Variants in PLA2G2C observed in about 807,000 individuals in gnomAD.
PLA2G2C encodes the protein phospholipase A2 group IIC.
In PLA2G2C, 15 loss-of-function variants were observed where a neutral mutation model predicts 14.3. That is an observed-to-expected ratio of 1.05 (90% CI 0.70 to 1.62). PLA2G2C has a LOEUF of 1.62. PLA2G2C is among the 40% of genes most tolerant of loss of function. PLA2G2C has a pLI of 0.00. For synonymous variants in PLA2G2C, 79 were observed against 67.7 expected, an observed-to-expected ratio of 1.17 and a Z score of -0.82; for missense variants, 162 against 173.2, an observed-to-expected ratio of 0.94 and a Z score of 0.36.
intron 1 of PLA2G2C, among the ~76,000 whole-genome samples, chr1:20,185,324 T>C (rs1003214228): frequency 1.3e-5 from 2 of 152,028 alleles, no homozygotes; most frequent in Non-Finnish European, 2.9e-5. Context: ...TCAGGTTTCA[T>C]CAGATGGAAG....
chr1:20,176,580 GA>G (rs2018187919), intron 2 of PLA2G2C, among the ~76,000 whole-genome samples: 1 of 152,200 alleles, frequency 6.6e-6, no homozygotes. Flanking sequence ...GCAGTCCCTG[GA>G]GCCGCACTGA....
At chr1:20,178,232 G>A (rs1030830944) in intron 1 of PLA2G2C, among the ~76,000 whole-genome samples, 2 of 152,212 alleles carry the variant, frequency 1.3e-5, no homozygotes, top group Non-Finnish European at 2.9e-5. Flanking sequence ...CTGCCATGGA[G>A]CTGCCAGGGA....
chr1:20,171,791 T>G (rs1398044798), intron 4 of PLA2G2C, among the ~76,000 whole-genome samples: 1 of 134,948 alleles, frequency 7.4e-6, no homozygotes, highest in East Asian at 2.3e-4. Flanking sequence ...AGACGGAGTC[T>G]CGCTCTGTGG....
chr1:20,172,210 G>A (rs1163608801), intron 4 of PLA2G2C, among the ~76,000 whole-genome samples: 1 of 152,128 alleles, frequency 6.6e-6, no homozygotes, highest in Non-Finnish European at 1.5e-5. Flanking sequence ...GGATTGCCCT[G>A]CACATACCCA....
chr1:20,170,266 C>T (rs2018048444), intron 4 of PLA2G2C, among the ~76,000 whole-genome samples: 1 of 152,246 alleles, frequency 6.6e-6, no homozygotes, highest in South Asian at 2.1e-4. Context: ...CGGTATGTTC[C>T]AGAGCACTGA....
Position 20,172,808 on chromosome 1 carries a change from T to C in PLA2G2C, c.269A>G (p.Asn90Ser), listed in dbSNP as rs548178563. ...AGGCTACTCACAAACCACTGCGCCA[T>C]TGACGATGTGGAACTGGTAGCTGTT... is the stretch of plus-strand genomic sequence containing the variant. The part of the protein sequence containing the change: ...VLNSYQFHIV[N>S]GAVVCGCTLG... Residue 90 changes from asparagine to serine, a missense_variant, in exon 4 of 5, where the codon AAT becomes AGT. Physicochemically the swap from Asn to Ser is conservative, Grantham distance 46 (BLOSUM62 1). Coordinates refer to ENST00000679259, the MANE Select transcript of PLA2G2C (RefSeq NM_001367969.2). 9.9e-6 allele frequency: 16 copies of C among 1,613,636 alleles called. No individual in the cohort carries two copies. The highest frequency in any genetic ancestry group is 5.5e-5 in the South Asian group (5 of 91,052).
chr1:20,173,729 A>G (rs2018130977), intron 3 of PLA2G2C, among the ~76,000 whole-genome samples: 1 of 152,200 alleles, frequency 6.6e-6, no homozygotes, highest in Non-Finnish European at 1.5e-5. Context: ...ACCACTACAC[A>G]AGGGACAGGA....
chr1:20,175,875 T>C (rs2018174052), intron 2 of PLA2G2C, among the ~76,000 whole-genome samples: 1 of 152,084 alleles, frequency 6.6e-6, no homozygotes, highest in African/African-American at 2.4e-5. Context: ...CGCTGTCTCA[T>C]GTCTTTTCAT....
chr1:20,172,788 A>G lies in PLA2G2C; in HGVS notation c.283+6T>C. Reference sequence around the variant, plus strand: ...AAGACATTTCCATACAGAAAAGGCTACTCACAAACCACTGCGCCATTGACG... The same window carrying G: ...AAGACATTTCCATACAGAAAAGGCTGCTCACAAACCACTGCGCCATTGACG... On this transcript the variant is annotated splice_donor_region_variant and intron_variant, in intron 4 of 4. Coordinates refer to ENST00000679259, the MANE Select transcript of PLA2G2C (RefSeq NM_001367969.2). The G allele has an allele frequency of 6.2e-7, 1 of 1,610,224 alleles. No individual in the cohort carries two copies. The highest frequency in any genetic ancestry group is 2.2e-5 in the East Asian group (1 of 44,796).
chr1:20,166,167 G>A (rs993806983), intron 4 of PLA2G2C, among the ~76,000 whole-genome samples: 1 of 152,162 alleles, frequency 6.6e-6, no homozygotes, highest in South Asian at 2.1e-4. Context: ...AAAAAGCAGC[G>A]CCCTGTGGAG....
intron 4 of PLA2G2C, 69 bp downstream of exon 4, chr1:20,172,725 C>G: frequency 7.6e-7 from 1 of 1,321,838 alleles, no homozygotes; most frequent in Non-Finnish European, 1.1e-6. Context: ...ATCTCTGGGT[C>G]AAAGAGGAGG....
Position 20,172,885 on chromosome 1 carries a change from T to C in PLA2G2C, c.192A>G (p.Ser64=). Residue 64 remains serine (S), a synonymous_variant, in exon 4 of 5, where the codon TCA becomes TCG. Coordinates refer to ENST00000679259, the MANE Select transcript of PLA2G2C (RefSeq NM_001367969.2). ...TCAGCTTCTCGTAGGGAGAGGGAGA[T>C]GAGGGGCTGTGCCTGGAAGTGGGTC... ...PVDDTDRHSP[S]SPSPYEKLKE... is the part of the protein sequence containing the mutation. 6.2e-7 allele frequency: 1 copy of C among 1,613,456 alleles called. No homozygotes were observed. The highest frequency in any genetic ancestry group is 8.5e-7 in the Non-Finnish European group (1 of 1,179,698).
In PLA2G2C at chr1:20,163,867, G is replaced by A. The variant is rs888225283; in HGVS notation, c.*124C>T. ...AATGCTGAAGGGTGAGCTGCCCTGCGGGAGACATTTTGTCCTCCCTCCCAG... is the reference window on the plus strand; with the variant it reads ...AATGCTGAAGGGTGAGCTGCCCTGCAGGAGACATTTTGTCCTCCCTCCCAG... On this transcript the variant is annotated 3_prime_UTR_variant, in exon 5 of 5. Coordinates refer to ENST00000679259, the MANE Select transcript of PLA2G2C (RefSeq NM_001367969.2). 2.1e-5 allele frequency: 23 copies of A among 1,113,056 alleles called. No homozygotes were observed. The highest frequency in any genetic ancestry group is 1.6e-4 in the East Asian group (6 of 37,552). 68.9% of individuals were successfully genotyped at this position (1,113,056 alleles called of 1,614,324 possible). A position where few individuals can be genotyped will look rare whatever the true frequency, so the allele number is the denominator to read the frequency against.
chr1:20,167,219 C>G (rs2017994085), intron 4 of PLA2G2C, among the ~76,000 whole-genome samples: 1 of 152,180 alleles, frequency 6.6e-6, no homozygotes, highest in African/African-American at 2.4e-5. Context: ...ATACTCCCAA[C>G]TTCTCCGCTG....
rs371946948 is a variant in PLA2G2C at position 20,164,075 on chromosome 1, G to A, written c.366C>T (p.Phe122=). The A allele has an allele frequency of 6.2e-7, 1 of 1,613,944 alleles. No individual in the cohort carries two copies. Among genetic ancestry groups the A allele is most frequent in the Non-Finnish European group, 8.5e-7 (1 of 1,179,856 alleles). The change falls in exon 5 of 5, where the codon TTC becomes TTT. Residue 122 remains phenylalanine, a synonymous_variant. Transcript: ENST00000679259. The stretch of plus-strand genomic sequence containing the variant: ...TCTCATAGGTGGGCAGGCTCTCTTT[G>A]AAGCAGTGCACGGATTGCTTGTCAC... The part of the protein sequence containing the change: ...CECDKQSVHC[F]KESLPTYEKN...
chr1:20,173,566 T>G (rs899905351), intron 3 of PLA2G2C, among the ~76,000 whole-genome samples: 1 of 152,178 alleles, frequency 6.6e-6, no homozygotes, highest in Non-Finnish European at 1.5e-5. Flanking sequence ...GAGCACCTAC[T>G]GTGAGTCAGG....
intron 4 of PLA2G2C, among the ~76,000 whole-genome samples, chr1:20,171,929 T>A (rs571546934): frequency 6.6e-6 from 1 of 150,804 alleles, no homozygotes; most frequent in African/African-American, 2.4e-5. Context: ...GCCCGGCTAA[T>A]TTTTTTTGTA....
At chr1:20,177,739 C>T (rs538693771) in intron 1 of PLA2G2C, among the ~76,000 whole-genome samples, 3 of 151,984 alleles carry the variant, frequency 2.0e-5, no homozygotes, top group South Asian at 2.1e-4. Flanking sequence ...CCTCTGTTCC[C>T]GAGTTGGAAA....
chr1:20,176,478 G>A (rs2018185886), intron 2 of PLA2G2C, among the ~76,000 whole-genome samples: 1 of 152,190 alleles, frequency 6.6e-6, no homozygotes, highest in Non-Finnish European at 1.5e-5. Flanking sequence ...AGAGTTTGGG[G>A]GAGTTTTCTC....
Sources: allele counts gnomAD v4.1 joint callset (sites outside exome capture counted in the v4.1 genomes callset), GRCh38; gene constraint gnomAD v4.1.1; transcripts MANE v1.5; gene names NCBI Gene and HGNC (gene_info 2026-07-23, HGNC 2026-07-21).